NARF: variants seen among roughly 807,000 people sequenced by gnomAD.
The protein encoded by NARF is nuclear prelamin A recognition factor, also known as iron-only hydrogenase-like protein 2.
A neutral mutation model predicts 48.0 loss-of-function variants in NARF; 41 were observed. That is an observed-to-expected ratio of 0.85 (90% CI 0.66 to 1.11). NARF has a LOEUF of 1.11. NARF is among the 50% of genes least tolerant of loss of function. The probability of loss-of-function intolerance (pLI) is 0.00; values close to 1 mark genes in which losing one functional copy is unlikely to be tolerated. For synonymous variants in NARF, 215 were observed against 225.5 expected (o/e 0.95, Z 0.42); for missense variants, 613 against 590.2 (o/e 1.04, Z -0.40).
intron 3 of NARF, among the ~76,000 whole-genome samples, chr17:82,466,433 C>T (rs772377615): frequency 1.3e-5 from 2 of 152,038 alleles, no homozygotes; most frequent in Admixed American, 6.6e-5. Flanking sequence ...GTACGGTGTG[C>T]GATGTGAATA....
rs773850936 is a variant in NARF, at chr17:82,488,584, A to C, written c.*427A>C. On this transcript the variant is annotated 3_prime_UTR_variant, in exon 11 of 11. Coordinates refer to ENST00000309794, the MANE Select transcript of NARF (RefSeq NM_012336.4). ...GAGATGGGGTTTCACTATGTTGGCC[A>C]GGCTGGTATTGAATTCCTGACCTCC... The C allele has an allele frequency of 6.0e-6, 1 of 166,424 alleles. No individual in the cohort carries two copies. The highest frequency in any genetic ancestry group is 2.4e-5 in the African/African-American group (1 of 41,670). The allele number at this position is 166,424 out of a possible 1,614,324, so 10.3% of individuals were successfully genotyped here.
chr17:82,482,675 T>C (rs769158142), intron 7 of NARF: 1 of 152,670 alleles, frequency 6.6e-6, no homozygotes, highest in African/African-American at 2.4e-5. Context: ...AATTGTCATA[T>C]AAATGTAGCT....
intron 7 of NARF, chr17:82,481,916 C>A: frequency 3.1e-6 from 1 of 320,612 alleles, no homozygotes; most frequent in Non-Finnish European, 6.1e-6. Context: ...TTTTTTCATT[C>A]AGAATAAAAT....
chr17:82,484,992 C>T, intron 9 of NARF, 42 bp downstream of exon 9: 1 of 1,557,598 alleles, frequency 6.4e-7, no homozygotes, highest in Non-Finnish European at 8.7e-7. Flanking sequence ...CTGTGGTTAG[C>T]ACGTGTGCAT....
intron 5 of NARF, among the ~76,000 whole-genome samples, chr17:82,472,948 A>AGACAGAGTCTCAATTT (rs1567936899): frequency 1.3e-5 from 2 of 149,396 alleles, no homozygotes; most frequent in African/African-American, 2.5e-5. Flanking sequence ...TATTTTTATT[A>AGACAGAGTCTCAATTT]TTTTTTTTTT....
rs1169962443 is a variant in NARF at position 82,458,764 on chromosome 17, T to G, written c.-40T>G. On this transcript the variant is annotated 5_prime_UTR_variant, in exon 1 of 11. Transcript: ENST00000309794. ...GTGTCCCAGTCTCCCGGTGCTTCCC[T>G]GAGGCTGAGGCGCCCGGCCTCCCGC... is the stretch of plus-strand genomic sequence containing the variant. The G allele has an allele frequency of 6.8e-7, 1 of 1,471,710 alleles. No individual in the cohort carries two copies. Among genetic ancestry groups the G allele is most frequent in the Non-Finnish European group, 8.9e-7 (1 of 1,117,338 alleles). The allele number at this position is 1,471,710 out of a possible 1,614,324, so 91.2% of individuals were successfully genotyped here.
rs1055855935 is a variant in NARF, at chr17:82,472,692, T to C, written c.514T>C (p.Cys172Arg). The change falls in exon 5 of 11, where the codon TGT becomes CGT. Residue 172 changes from cysteine (C) to arginine (R), a missense_variant. Coordinates refer to ENST00000309794, the MANE Select transcript of NARF (RefSeq NM_012336.4). Reference protein sequence around the residue: ...ERTLPMLTSACPGWVRYAERV... With the variant: ...ERTLPMLTSARPGWVRYAERV... ...CACCCTGCCCATGCTGACCTCTGCC[T>C]GTCCTGGTGAGCCCCTGGACCCCCG... is the stretch of plus-strand genomic sequence containing the variant. 6.2e-7 allele frequency: 1 copy of C among 1,612,366 alleles called. No individual in the cohort carries two copies. Among genetic ancestry groups the C allele is most frequent in the Non-Finnish European group, 8.5e-7 (1 of 1,179,484 alleles).
intron 6 of NARF, 142 bp from the exon 7 acceptor site, chr17:82,480,930 CAAAAAAAAAA>C (rs35163925): frequency 2.7e-5 from 17 of 628,764 alleles, no homozygotes; most frequent in Non-Finnish European, 3.6e-5. Flanking sequence ...GACTCCATTT[CAAAAAAAAAA>C]AAAAAAAAAG....
Position 82,488,042 on chromosome 17 carries a change from A to G in NARF, c.1256A>G (p.Gln419Arg). The G allele has an allele frequency of 1.2e-6, 2 of 1,614,166 alleles. No individual in the cohort carries two copies. Among genetic ancestry groups the G allele is most frequent in the Non-Finnish European group, 8.5e-7 (1 of 1,180,032 alleles). Residue 419 changes from glutamine (Q) to arginine (R), a missense_variant, in exon 11 of 11, where the codon CAG becomes CGG. By Grantham distance (43) the Gln-to-Arg change is conservative (BLOSUM62 1). Coordinates refer to ENST00000309794, the MANE Select transcript of NARF (RefSeq NM_012336.4). The stretch of plus-strand genomic sequence containing the variant: ...CGTCCGGAGTCCAGTGCACACGTGC[A>G]GGAGCTGTACCAGGAGTGGCTGGAG... Reference protein sequence around the residue: ...VRRPESSAHVQELYQEWLEGI... With the variant: ...VRRPESSAHVRELYQEWLEGI...
intron 4 of NARF, among the ~76,000 whole-genome samples, chr17:82,469,787 G>A (rs1165634267): frequency 2.6e-5 from 4 of 152,098 alleles, no homozygotes; most frequent in African/African-American, 9.7e-5. Flanking sequence ...TGTATTTTTA[G>A]TAGAGATGAT....
At chr17:82,461,203 C>T (rs933941118) in intron 2 of NARF, among the ~76,000 whole-genome samples, 6 of 152,118 alleles carry the variant, frequency 3.9e-5, no homozygotes, top group Non-Finnish European at 5.9e-5. Flanking sequence ...GGATTACAGG[C>T]GTGAGCCACT....
In NARF at chr17:82,478,830, G is replaced by A; in HGVS notation, c.551G>A (p.Gly184Asp). 1.9e-6 allele frequency: 3 copies of A among 1,613,990 alleles called. No homozygotes were observed. The highest frequency in any genetic ancestry group is 2.5e-6 in the Non-Finnish European group (3 of 1,179,998). Residue 184 changes from glycine (G) to aspartate (D), a missense_variant, in exon 6 of 11, where the codon GGT becomes GAT. By Grantham distance (94) the Gly-to-Asp change is moderately conservative. Coordinates refer to ENST00000309794, the MANE Select transcript of NARF (RefSeq NM_012336.4). ...GWVRYAERVL[G>D]RPITAHLCTA... ...GTCCGATACGCCGAGCGGGTGCTGGGTCGCCCCATCACTGCCCACCTCTGC... is the reference window on the plus strand; with the variant it reads ...GTCCGATACGCCGAGCGGGTGCTGGATCGCCCCATCACTGCCCACCTCTGC...
intron 6 of NARF, 98 bp from the exon 7 acceptor site, chr17:82,480,984 G>A (rs2043950677): frequency 4.1e-6 from 6 of 1,481,206 alleles, no homozygotes; most frequent in Non-Finnish European, 4.6e-6. Context: ...GGCAGCAGCA[G>A]GGGGCATTCG....
At chr17:82,476,303 G>A (rs1467814227) in intron 5 of NARF, among the ~76,000 whole-genome samples, 3 of 151,722 alleles carry the variant, frequency 2.0e-5, no homozygotes, top group Non-Finnish European at 2.9e-5. Context: ...CACCATGCCC[G>A]GCTAATTTTT....
At chr17:82,484,755 CTT>C (rs2044055403) in intron 8 of NARF, 56 bp from the exon 9 acceptor site, 2 of 1,507,890 alleles carry the variant, frequency 1.3e-6, no homozygotes, top group Admixed American at 4.3e-5. Context: ...TGGTTTCACT[CTT>C]TCTGTCACTG....
In NARF at chr17:82,464,301, C is replaced by T; in HGVS notation, c.123C>T (p.His41=). ...ATCTTTCATAGAAGGGAGAATTCCA[C>T]AAGTTGGCTGATGCCAAGATATTTT... ...AQENGEKGEF[H]KLADAKIFLS... Residue 41 remains histidine (H), a synonymous_variant, in exon 3 of 11, where the codon CAC becomes CAT. Transcript: ENST00000309794. 1.2e-6 allele frequency: 2 copies of T among 1,613,432 alleles called. No individual in the cohort carries two copies. Among genetic ancestry groups the T allele is most frequent in the African/African-American group, 2.7e-5 (2 of 75,016 alleles).
At chr17:82,459,338 T>C in intron 1 of NARF, 1 of 270,584 alleles carries the variant, frequency 3.7e-6, no homozygotes, top group Non-Finnish European at 5.7e-6. Context: ...CGGAATGGGC[T>C]CCTGTGGATG....
rs868380715 is a variant in NARF at position 82,479,245 on chromosome 17, C to G, written c.639+327C>G. ...GGACCTTGCCCAGAGATGCTGCCTG[C>G]CTGCTGTTGGGATGCCTCACCCAAG... On this transcript the variant is annotated intron_variant, in intron 6 of 10. Coordinates refer to ENST00000309794, the MANE Select transcript of NARF (RefSeq NM_012336.4). 2.0e-5 allele frequency: 4 copies of G among 199,688 alleles called. No individual in the cohort carries two copies. In the South Asian group the frequency reaches 3.3e-4, roughly 16 times the overall value. The allele number at this position is 199,688 out of a possible 1,614,324, so 12.4% of individuals were successfully genotyped here. A position where few individuals can be genotyped will look rare whatever the true frequency, so the allele number is the denominator to read the frequency against.
At chr17:82,467,377 T>C (rs1007989233) in intron 3 of NARF, among the ~76,000 whole-genome samples, 10 of 152,194 alleles carry the variant, frequency 6.6e-5, no homozygotes, top group African/African-American at 2.2e-4. Context: ...CTGTCTTCTA[T>C]TGCGCTGCCA....
Sources: allele counts gnomAD v4.1 joint callset (sites outside exome capture counted in the v4.1 genomes callset), GRCh38; gene constraint gnomAD v4.1.1; transcripts MANE v1.5; gene names NCBI Gene and HGNC (gene_info 2026-07-23, HGNC 2026-07-21).